STK32A: variants seen among roughly 807,000 people sequenced by gnomAD.
STK32A encodes the protein serine/threonine-protein kinase 32A.
In STK32A, 41 loss-of-function variants were observed where a neutral mutation model predicts 53.2. The ratio of observed to expected loss-of-function variants is 0.77; its 90% confidence interval spans 0.60 to 1.00. The LOEUF (loss-of-function observed/expected upper bound fraction) is 1.00, where lower values mean the gene tolerates loss of function less well. Among genes scored for constraint, STK32A ranks in the 50% least tolerant of loss-of-function variants. The pLI is 0.00. For synonymous variants in STK32A, 166 were observed against 162.8 expected (o/e 1.02, Z -0.15); for missense variants, 458 against 485.8 (o/e 0.94, Z 0.54).
chr5:147,357,782 A>T (rs1016369683), intron 7 of STK32A, among the ~76,000 whole-genome samples: 1 of 152,052 alleles, frequency 6.6e-6, no homozygotes, highest in East Asian at 1.9e-4. Context: ...GGATGTGGCA[A>T]GGATCTGACT....
chr5:147,279,286 G>A lies in STK32A; in HGVS notation c.148G>A (p.Ala50Thr), dbSNP rs574721487. 1.2e-5 allele frequency: 19 copies of A among 1,613,708 alleles called. No homozygotes were observed. Among genetic ancestry groups the A allele is most frequent in the African/African-American group, 2.7e-5 (2 of 74,932 alleles). ...VQKNDTKKMYAMKYMNKQKCV... is the reference protein window; with the variant it reads ...VQKNDTKKMYTMKYMNKQKCV... The stretch of plus-strand genomic sequence containing the variant: ...GAAGAATGATACCAAGAAGATGTAC[G>A]CAATGAAGTACATGAATAAACAAAA... The change falls in exon 4 of 13, where the codon GCA becomes ACA. Residue 50 changes from alanine (A) to threonine (T), a missense_variant. Ala to Thr is a moderately conservative substitution (Grantham distance 58). Transcript: ENST00000397936.
intron 2 of STK32A, among the ~76,000 whole-genome samples, chr5:147,261,297 C>A (rs541574632): frequency 6.6e-6 from 1 of 152,170 alleles, no homozygotes; most frequent in Non-Finnish European, 1.5e-5. Flanking sequence ...TAGAAGGGTG[C>A]GCCCTTACAG....
At chr5:147,266,727 C>A (rs1754828714) in intron 2 of STK32A, among the ~76,000 whole-genome samples, 1 of 152,012 alleles carries the variant, frequency 6.6e-6, no homozygotes, top group Non-Finnish European at 1.5e-5. Flanking sequence ...AATGTTTTGG[C>A]AAGAGAGGCA....
intron 2 of STK32A, among the ~76,000 whole-genome samples, chr5:147,266,981 C>T (rs1034358101): frequency 1.3e-5 from 2 of 151,580 alleles, no homozygotes; most frequent in Non-Finnish European, 2.9e-5. Flanking sequence ...CGAGATTGTG[C>T]CATTGCACTT....
At chr5:147,332,852 T>A (rs1754940645) in intron 5 of STK32A, among the ~76,000 whole-genome samples, 1 of 152,220 alleles carries the variant, frequency 6.6e-6, no homozygotes, top group Non-Finnish European at 1.5e-5. Context: ...CTTCTTTGTG[T>A]TGTATGCATC....
chr5:147,325,085 T>C (rs1203217693), intron 5 of STK32A, among the ~76,000 whole-genome samples: 3 of 152,220 alleles, frequency 2.0e-5, no homozygotes, highest in Non-Finnish European at 4.4e-5. Flanking sequence ...AAGTCAGAAT[T>C]CTATGATACC....
chr5:147,333,834 T>C (rs184420533), intron 5 of STK32A, among the ~76,000 whole-genome samples: 1 of 152,250 alleles, frequency 6.6e-6, no homozygotes, highest in East Asian at 1.9e-4. Flanking sequence ...ATAATCTTAC[T>C]AAAAAGCAGA....
chr5:147,401,085 C>CAATAA, the STK32A span, among the ~76,000 whole-genome samples: 3 of 152,144 alleles, frequency 2.0e-5, no homozygotes, highest in Non-Finnish European at 1.5e-5. Flanking sequence ...CTCAAATGAG[C>CAATAA]AATGTCATGA....
chr5:147,320,273 G>A (rs1323322660), intron 4 of STK32A, among the ~76,000 whole-genome samples: 1 of 152,146 alleles, frequency 6.6e-6, no homozygotes, highest in Non-Finnish European at 1.5e-5. Context: ...CTTCAAGCTT[G>A]TGAGTGACTT....
intron 2 of STK32A, among the ~76,000 whole-genome samples, chr5:147,261,555 G>T (rs980784300): frequency 2.0e-5 from 3 of 152,158 alleles, no homozygotes; most frequent in African/African-American, 7.2e-5. Flanking sequence ...AGTCAGGGTG[G>T]AGTAGGTAAT....
At chr5:147,270,448 A>G (rs1444409464) in intron 2 of STK32A, among the ~76,000 whole-genome samples, 1 of 152,130 alleles carries the variant, frequency 6.6e-6, no homozygotes, top group Non-Finnish European at 1.5e-5. Context: ...TCCTGGGCTC[A>G]AGTGATTCTC....
intron 4 of STK32A, among the ~76,000 whole-genome samples, chr5:147,321,867 C>T (rs1297171505): frequency 6.6e-6 from 1 of 152,136 alleles, no homozygotes; most frequent in Non-Finnish European, 1.5e-5. Context: ...GGTTAGTACT[C>T]TCTTCTCCTG....
intron 6 of STK32A, chr5:147,348,661 G>T: frequency 1.3e-6 from 1 of 765,026 alleles, no homozygotes; most frequent in South Asian, 1.4e-5. Flanking sequence ...CTGCTCATCT[G>T]AATCACCTGT....
intron 4 of STK32A, among the ~76,000 whole-genome samples, chr5:147,318,638 T>C (rs146466408): frequency 3.2e-4 from 49 of 151,552 alleles, no homozygotes; most frequent in African/African-American, 1.1e-3. Context: ...AAGTTTGGTA[T>C]GGTGATATGT....
At chr5:147,254,310 C>T (rs1358931070) in intron 2 of STK32A, among the ~76,000 whole-genome samples, 1 of 152,292 alleles carries the variant, frequency 6.6e-6, no homozygotes, top group South Asian at 2.1e-4. Flanking sequence ...GAGCAGGTTA[C>T]ATACTCTTTT....
downstream of STK32A, chr5:147,392,204 C>G (rs1471933416): frequency 6.6e-6 from 1 of 152,172 alleles, no homozygotes; most frequent in South Asian, 2.1e-4. Context: ...CTACATTTTC[C>G]CTTTTACTAC....
At chr5:147,379,226 C>G (rs1757356820) in intron 11 of STK32A, among the ~76,000 whole-genome samples, 1 of 151,552 alleles carries the variant, frequency 6.6e-6, no homozygotes, top group Non-Finnish European at 1.5e-5. Flanking sequence ...CTCTGCTTGC[C>G]TGTTGTTGGT....
intron 2 of STK32A, among the ~76,000 whole-genome samples, chr5:147,264,604 A>G (rs1410751127): frequency 6.6e-6 from 1 of 152,230 alleles, no homozygotes; most frequent in East Asian, 1.9e-4. Flanking sequence ...CCGAATATTG[A>G]TCTAATTAAA....
chr5:147,330,684 G>A (rs1219829183), intron 5 of STK32A, among the ~76,000 whole-genome samples: 2 of 152,184 alleles, frequency 1.3e-5, no homozygotes, highest in East Asian at 1.9e-4. Context: ...TAAGATTCTA[G>A]GATGATTTCC....
Sources: allele counts gnomAD v4.1 joint callset (sites outside exome capture counted in the v4.1 genomes callset), GRCh38; gene constraint gnomAD v4.1.1; transcripts MANE v1.5; gene names NCBI Gene and HGNC (gene_info 2026-07-23, HGNC 2026-07-21).